Variants in NR3C2 observed in about 807,000 individuals in gnomAD.
NR3C2 encodes mineralocorticoid receptor.
A neutral mutation model predicts 86.4 loss-of-function variants in NR3C2; 15 were observed. The ratio of observed to expected loss-of-function variants is 0.17; its 90% confidence interval spans 0.12 to 0.27. The LOEUF is 0.27. NR3C2 is among the 10% of genes least tolerant of loss of function. The probability of loss-of-function intolerance (pLI) is 1.00; values close to 1 mark genes in which losing one functional copy is unlikely to be tolerated. For synonymous variants in NR3C2, 458 were observed against 450.5 expected (o/e 1.02, Z -0.21); for missense variants, 960 against 1,195.6 (o/e 0.80, Z 2.91).
chr4:148,267,561 A>C (rs1170633541), intron 2 of NR3C2, among the ~76,000 whole-genome samples: 2 of 152,204 alleles, frequency 1.3e-5, no homozygotes, highest in African/African-American at 2.4e-5. Flanking sequence ...ATAATTTAAA[A>C]TAATACCACA....
At chr4:148,168,282 CT>C (rs1734972006) in intron 4 of NR3C2, among the ~76,000 whole-genome samples, 1 of 152,214 alleles carries the variant, frequency 6.6e-6, no homozygotes, top group Non-Finnish European at 1.5e-5. Flanking sequence ...AAAGACTAAT[CT>C]CCCCCTGCCC....
At chr4:148,127,154 T>C (rs1197526801) in intron 6 of NR3C2, among the ~76,000 whole-genome samples, 5 of 152,236 alleles carry the variant, frequency 3.3e-5, no homozygotes, top group African/African-American at 1.2e-4. Flanking sequence ...GCACTCAATA[T>C]AGCTTGAAAT....
intron 3 of NR3C2, among the ~76,000 whole-genome samples, chr4:148,199,186 C>T (rs187668613): frequency 8.2e-4 from 125 of 151,580 alleles, no homozygotes; most frequent in Non-Finnish European, 1.4e-3. Context: ...AGCAGAATGT[C>T]GCCTTTGAGT....
At chr4:148,200,606 ATC>A (rs1736672125) in intron 3 of NR3C2, among the ~76,000 whole-genome samples, 1 of 152,166 alleles carries the variant, frequency 6.6e-6, no homozygotes, top group Non-Finnish European at 1.5e-5. Context: ...CCCTGTTACT[ATC>A]TGACTTTAGA....
At chr4:148,439,330 A>G (rs746809389) in intron 1 of NR3C2, among the ~76,000 whole-genome samples, 4 of 152,204 alleles carry the variant, frequency 2.6e-5, no homozygotes, top group Non-Finnish European at 5.9e-5. Flanking sequence ...AAACAACACA[A>G]TAAATATGTC....
intron 8 of NR3C2, among the ~76,000 whole-genome samples, chr4:148,104,882 C>T (rs887040205): frequency 5.3e-5 from 8 of 152,272 alleles, no homozygotes; most frequent in East Asian, 1.9e-4. Context: ...TTCTGTTGTC[C>T]GCAGTGGTCT....
upstream of NR3C2, among the ~76,000 whole-genome samples, chr4:148,443,452 G>A (rs528997787): frequency 7.5e-4 from 114 of 152,146 alleles, no homozygotes; most frequent in African/African-American, 2.2e-3. Context: ...GAAACAGACA[G>A]GAGGGGGGAA....
At chr4:148,291,099 C>T (rs1032218467) in intron 2 of NR3C2, among the ~76,000 whole-genome samples, 3 of 152,098 alleles carry the variant, frequency 2.0e-5, no homozygotes, top group African/African-American at 7.2e-5. Flanking sequence ...GCCCTTTAGA[C>T]TGACATCTAT....
intron 2 of NR3C2, among the ~76,000 whole-genome samples, chr4:148,378,211 A>G (rs1746777650): frequency 6.6e-6 from 1 of 152,186 alleles, no homozygotes; most frequent in African/African-American, 2.4e-5. Context: ...AGATAACAAT[A>G]AGAAAACATT....
At chr4:148,278,083 A>G (rs1402943011) in intron 2 of NR3C2, among the ~76,000 whole-genome samples, 5 of 135,110 alleles carry the variant, frequency 3.7e-5, no homozygotes, top group Non-Finnish European at 7.8e-5. Context: ...TTACAGAGTC[A>G]AGTCTGTTTT....
At chr4:148,172,956 C>T (rs1400381001) in intron 4 of NR3C2, among the ~76,000 whole-genome samples, 3 of 152,172 alleles carry the variant, frequency 2.0e-5, no homozygotes, top group Non-Finnish European at 4.4e-5. Flanking sequence ...GGAATGAAAG[C>T]TTTCCCCACT....
chr4:148,208,784 A>T (rs1366319097), intron 3 of NR3C2: 1 of 152,232 alleles, frequency 6.6e-6, no homozygotes, highest in Non-Finnish European at 1.5e-5. Flanking sequence ...AGTTTGTCCC[A>T]TTATTACCTT....
At chr4:148,316,180 A>G (rs1743162126) in intron 2 of NR3C2, among the ~76,000 whole-genome samples, 1 of 152,118 alleles carries the variant, frequency 6.6e-6, no homozygotes, top group South Asian at 2.1e-4. Context: ...AATATGAAAC[A>G]TGGTCTCACT....
At chr4:148,393,344 T>A (rs867016302) in intron 2 of NR3C2, among the ~76,000 whole-genome samples, 10 of 152,180 alleles carry the variant, frequency 6.6e-5, no homozygotes, top group Non-Finnish European at 8.8e-5. Flanking sequence ...CAAAGCTTTG[T>A]GAAAATGCTT....
chr4:148,196,245 C>T (rs1736436819), intron 3 of NR3C2, among the ~76,000 whole-genome samples: 1 of 152,130 alleles, frequency 6.6e-6, no homozygotes, highest in Admixed American at 6.5e-5. Flanking sequence ...AGGGGACTGT[C>T]ATTAATTAAA....
At chr4:148,401,482 G>A (rs1246646720) in intron 2 of NR3C2, among the ~76,000 whole-genome samples, 1 of 29,458 alleles carries the variant, frequency 3.4e-5, no homozygotes, top group Non-Finnish European at 8.0e-5. Context: ...TTTTTTTTTT[G>A]AGACAGAGTC....
At chr4:148,224,212 G>T (rs1021874002) in intron 3 of NR3C2, among the ~76,000 whole-genome samples, 4 of 151,966 alleles carry the variant, frequency 2.6e-5, no homozygotes, top group African/African-American at 4.8e-5. Flanking sequence ...GAAGAAGCAG[G>T]TTATCTTGCA....
rs146264848 is a variant in NR3C2, at chr4:148,190,486, G to A, written c.2014+4260C>T. On this transcript the variant is annotated intron_variant, in intron 4 of 8. Transcript: ENST00000358102. The stretch of plus-strand genomic sequence containing the variant: ...CATCTTGGAGAAAGTTCCATGCGCT[G>A]TTGAATAGAATGTGTATTCTGCAGT... 3.9e-5 allele frequency among the ~76,000 whole-genome samples: 6 copies of A among 152,308 alleles called. No individual in the cohort carries two copies. The East Asian group carries it at 1.2e-3, about 29-fold the overall frequency.
intron 2 of NR3C2, among the ~76,000 whole-genome samples, chr4:148,385,408 G>A (rs1442082436): frequency 6.6e-6 from 1 of 152,180 alleles, no homozygotes; most frequent in Non-Finnish European, 1.5e-5. Context: ...TTGAAGCAAT[G>A]TGCTGTATAT....
Sources: gnomAD v4.1 joint callset for allele counts (sites outside exome capture counted in the v4.1 genomes callset) on GRCh38, gnomAD v4.1.1 for gene constraint, MANE v1.5 for transcripts, NCBI Gene and HGNC (gene_info 2026-07-23, HGNC 2026-07-21) for gene names.